Variants in SV2C observed in about 807,000 individuals in gnomAD.
SV2C encodes solute carrier family 22 member B3.
SV2C carries 49 observed loss-of-function variants against 79.7 expected under a neutral mutation model. The ratio of observed to expected loss-of-function variants is 0.61; its 90% CI spans 0.49 to 0.78. The LOEUF (loss-of-function observed/expected upper bound fraction) is 0.78, where lower values mean the gene tolerates loss of function less well. Ranked by LOEUF, SV2C falls within the 30% of genes least tolerant of loss-of-function variation. The probability of loss-of-function intolerance (pLI) is 0.00; values close to 1 mark genes in which losing one functional copy is unlikely to be tolerated. For missense variants in SV2C, 833 were observed against 912.9 expected, an observed-to-expected ratio of 0.91 and a Z score of 1.13; for synonymous variants, 334 against 333.2, an observed-to-expected ratio of 1.00 and a Z score of -0.03.
At chr5:75,871,834 TACACACACACAC>T in the SV2C span, among the ~76,000 whole-genome samples, 1 of 118,856 alleles carries the variant, frequency 8.4e-6, no homozygotes, top group African/African-American at 3.3e-5. Context: ...TATATATATA[TACACACACACAC>T]ACACACACAC....
the SV2C span, among the ~76,000 whole-genome samples, chr5:76,014,254 A>T: frequency 7.0e-6 from 1 of 143,620 alleles, no homozygotes; most frequent in Non-Finnish European, 1.5e-5. Context: ...GAAAGAAGAA[A>T]GGAAAGAAAG....
chr5:76,309,803 A>AGAT (rs1748358490), intron 12 of SV2C, among the ~76,000 whole-genome samples: 1 of 151,964 alleles, frequency 6.6e-6, no homozygotes, highest in Non-Finnish European at 1.5e-5. Flanking sequence ...GAGTGAATGG[A>AGAT]GATGGCAGGT....
intron 1 of SV2C, among the ~76,000 whole-genome samples, chr5:76,113,259 C>T (rs1454157710): frequency 4.6e-5 from 7 of 152,250 alleles, no homozygotes; most frequent in East Asian, 1.9e-4. Context: ...GCACATTGCT[C>T]TTATCACATC....
At chr5:76,217,632 T>C (rs1387403481) in intron 4 of SV2C, among the ~76,000 whole-genome samples, 1 of 151,974 alleles carries the variant, frequency 6.6e-6, no homozygotes, top group East Asian at 1.9e-4. Flanking sequence ...TATCAGGTCA[T>C]CCTACATGGG....
the SV2C span, among the ~76,000 whole-genome samples, chr5:75,905,790 T>G: frequency 6.6e-6 from 1 of 151,868 alleles, no homozygotes; most frequent in Non-Finnish European, 1.5e-5. Context: ...CTGTAAAGTT[T>G]TCTGCAAATA....
chr5:76,130,337 A>T (rs1428394023), intron 1 of SV2C, among the ~76,000 whole-genome samples: 1 of 152,158 alleles, frequency 6.6e-6, no homozygotes, highest in African/African-American at 2.4e-5. Context: ...GTAGGTATTC[A>T]GTGGGAATGA....
chr5:75,885,972 G>T, the SV2C span, among the ~76,000 whole-genome samples: 1 of 152,138 alleles, frequency 6.6e-6, no homozygotes, highest in Non-Finnish European at 1.5e-5. Flanking sequence ...GCCTCACTCA[G>T]TTCCGTGGGG....
chr5:76,078,380 G>C, the SV2C span, among the ~76,000 whole-genome samples: 1 of 152,212 alleles, frequency 6.6e-6, no homozygotes, highest in Non-Finnish European at 1.5e-5. Context: ...AGGAGGCATA[G>C]TCAGAGGGTT....
At chr5:75,948,688 A>T in the SV2C span, among the ~76,000 whole-genome samples, 1 of 151,956 alleles carries the variant, frequency 6.6e-6, no homozygotes, top group Non-Finnish European at 1.5e-5. Context: ...ATATCTGGAG[A>T]AGGGATGTTT....
chr5:75,994,909 C>G, the SV2C span, among the ~76,000 whole-genome samples: 2 of 152,098 alleles, frequency 1.3e-5, no homozygotes, highest in Admixed American at 6.6e-5. Flanking sequence ...AGTCCAAGGC[C>G]AACGGCCTGA....
chr5:76,203,870 C>T (rs1268330546), intron 3 of SV2C, among the ~76,000 whole-genome samples: 1 of 152,194 alleles, frequency 6.6e-6, no homozygotes, highest in Admixed American at 6.5e-5. Context: ...AATCATCCAT[C>T]CTTTGGCATT....
At chr5:76,307,887 A>G (rs1257556294) in intron 12 of SV2C, among the ~76,000 whole-genome samples, 1 of 151,604 alleles carries the variant, frequency 6.6e-6, no homozygotes, top group Admixed American at 6.6e-5. Flanking sequence ...AGGGCTTTCT[A>G]TTTTTTCCAT....
At chr5:76,299,893 A>T (rs906430454) in intron 10 of SV2C, among the ~76,000 whole-genome samples, 1 of 152,180 alleles carries the variant, frequency 6.6e-6, no homozygotes, top group Non-Finnish European at 1.5e-5. Flanking sequence ...ATGGTTTCAA[A>T]TTCAAGAAAA....
intron 4 of SV2C, among the ~76,000 whole-genome samples, chr5:76,234,614 G>A (rs1305464589): frequency 6.6e-6 from 1 of 152,146 alleles, no homozygotes; most frequent in Non-Finnish European, 1.5e-5. Context: ...TGTTTCTCCT[G>A]GTTGCCCACA....
In SV2C at chr5:76,285,713, G is replaced by A. The variant is rs1414016743; in HGVS notation, c.1048-68G>A. The stretch of plus-strand genomic sequence containing the variant: ...TCATTTGATCTGACAATGCAAGACG[G>A]CTATTGGAAAATCAGGGAGGGTAAG... On this transcript the variant is annotated intron_variant, in intron 5 of 12. Coordinates refer to ENST00000502798, the MANE Select transcript of SV2C (RefSeq NM_014979.4). 4 of 1,329,764 alleles carry A rather than the reference G, an allele frequency of 3.0e-6. No homozygotes were observed. The African/African-American group carries it at 5.8e-5, about 19-fold the overall frequency. The allele number at this position is 1,329,764 out of a possible 1,614,324, so 82.4% of individuals were successfully genotyped here. A position where few individuals can be genotyped will look rare whatever the true frequency, so the allele number is the denominator to read the frequency against.
At chr5:76,077,269 T>A in the SV2C span, among the ~76,000 whole-genome samples, 1 of 152,040 alleles carries the variant, frequency 6.6e-6, no homozygotes, top group African/African-American at 2.4e-5. Flanking sequence ...TTAAATAGCA[T>A]AACGGGAACG....
chr5:75,953,864 CA>C, the SV2C span, among the ~76,000 whole-genome samples: 2 of 151,856 alleles, frequency 1.3e-5, no homozygotes, highest in Non-Finnish European at 2.9e-5. Context: ...TTTTTTGTAT[CA>C]CTTCCTACTC....
chr5:76,349,655 G>A (rs553926468), intron 12 of SV2C, among the ~76,000 whole-genome samples: 2 of 151,448 alleles, frequency 1.3e-5, no homozygotes, highest in Non-Finnish European at 2.9e-5. Context: ...GAAAGAGATG[G>A]ATTTTTAGCC....
the SV2C span, among the ~76,000 whole-genome samples, chr5:76,044,090 G>A: frequency 6.6e-6 from 1 of 152,108 alleles, no homozygotes; most frequent in Admixed American, 6.5e-5. Context: ...AGGCCCCAGT[G>A]TGTTGTTCCC....
Sources: allele counts gnomAD v4.1 joint callset (sites outside exome capture counted in the v4.1 genomes callset), GRCh38; gene constraint gnomAD v4.1.1; transcripts MANE v1.5; gene names NCBI Gene and HGNC (gene_info 2026-07-23, HGNC 2026-07-21).